SEMA4C: variants seen among roughly 807,000 people sequenced by gnomAD.
SEMA4C encodes the protein semaphorin-4C.
A neutral mutation model predicts 89.0 loss-of-function variants in SEMA4C; 19 were observed. That is an observed-to-expected ratio of 0.21 (90% CI 0.15 to 0.31). The LOEUF (loss-of-function observed/expected upper bound fraction) is 0.31, where lower values mean the gene tolerates loss of function less well. SEMA4C is among the 10% of genes least tolerant of loss of function. The probability of loss-of-function intolerance (pLI) is 1.00; values close to 1 mark genes in which losing one functional copy is unlikely to be tolerated. For synonymous variants in SEMA4C, 428 were observed against 472.7 expected, an observed-to-expected ratio of 0.91 and a Z score of 1.23; for missense variants, 811 against 1,107.0, an observed-to-expected ratio of 0.73 and a Z score of 3.79.
chr2:96,865,087 T>C lies in SEMA4C; in HGVS notation c.663A>G (p.Val221=). The C allele has an allele frequency of 6.4e-7, 1 of 1,564,856 alleles. No individual in the cohort carries two copies. The highest frequency in any genetic ancestry group is 1.2e-5 in the South Asian group (1 of 85,676). The part of the protein sequence containing the change: ...NEPHFVGSAY[V]PESVGSFTGD... ...CCGTGAAGCTGCCCACACTCTCAGG[T>C]ACATAGGCAGAGCCTACAAAGTGAG... Residue 221 remains valine (V), a synonymous_variant, in exon 8 of 15, where the codon GTA becomes GTG. Transcript: ENST00000305476.
At chr2:96,866,041 T>C in intron 3 of SEMA4C, 112 bp from the exon 4 acceptor site, 1 of 1,199,030 alleles carries the variant, frequency 8.3e-7, no homozygotes, top group Admixed American at 1.9e-5. Context: ...GCATGGTCCC[T>C]ATTCTCTGGG....
chr2:96,862,015 C>T, intron 12 of SEMA4C, 121 bp from the exon 13 acceptor site: 1 of 1,083,904 alleles, frequency 9.2e-7, no homozygotes, highest in Non-Finnish European at 1.3e-6. Context: ...GCACGGGGCG[C>T]CAGAAGGAGG....
intron 12 of SEMA4C, chr2:96,863,459 A>T: frequency 7.5e-7 from 1 of 1,331,202 alleles, no homozygotes; most frequent in Non-Finnish European, 9.7e-7. Context: ...CAGCCCCGTG[A>T]CCTGGCTATA....
At chr2:96,862,077 G>A (rs571794528) in intron 12 of SEMA4C, 183 bp from the exon 13 acceptor site, 34 of 651,546 alleles carry the variant, frequency 5.2e-5, no homozygotes, top group South Asian at 3.8e-4. Flanking sequence ...TCTAAGAACC[G>A]CAGAACTCAG....
intron 1 of SEMA4C, chr2:96,869,234 C>T (rs2080152541): frequency 1.0e-6 from 1 of 985,216 alleles, no homozygotes; most frequent in African/African-American, 1.7e-5. Flanking sequence ...ATCCGCCCGG[C>T]AGCGGTGCTC....
At chr2:96,867,710 A>G in intron 2 of SEMA4C, 68 bp downstream of exon 2, 1 of 1,457,626 alleles carries the variant, frequency 6.9e-7, no homozygotes, top group Non-Finnish European at 9.6e-7. Flanking sequence ...GAATAAAGCC[A>G]GCACACTATG....
In SEMA4C at chr2:96,867,967, G is replaced by A. The variant is rs188517743; in HGVS notation, c.-37-44C>T. Reference sequence around the variant, plus strand: ...TGGTCAGAAATCACAGCCAGAGAAAGCAAACCAGAGGGGCCCGCAGCAGGA... The same window carrying A: ...TGGTCAGAAATCACAGCCAGAGAAAACAAACCAGAGGGGCCCGCAGCAGGA... On this transcript the variant is annotated intron_variant, in intron 1 of 14. Transcript: ENST00000305476. 13 of 1,604,806 alleles carry A rather than the reference G, an allele frequency of 8.1e-6. No individual in the cohort carries two copies. The Admixed American group carries it at 2.0e-4, about 25-fold the overall frequency.
Position 96,861,197 on chromosome 2 carries a change from G to A in SEMA4C, c.1931C>T (p.Ala644Val), listed in dbSNP as rs1482872019. 6 of 1,610,370 alleles carry A rather than the reference G, an allele frequency of 3.7e-6. No homozygotes were observed. The highest frequency in any genetic ancestry group is 1.7e-5 in the Admixed American group (1 of 59,990). The change falls in exon 15 of 15, where the codon GCT becomes GTT. Residue 644 changes from alanine (A) to valine (V), a missense_variant. Physicochemically the swap from Ala to Val is moderately conservative, Grantham distance 64. This residue lies in a region of SEMA4C where 248 missense variants were observed against 269.0 expected (regional missense o/e 0.92). Coordinates refer to ENST00000305476, the MANE Select transcript of SEMA4C (RefSeq NM_017789.5). The surrounding 1 kb of genome is among the most constrained non-coding windows in gnomAD (Gnocchi z 7.8). ...GGTCACCGACGGGCCTGCCACGACA[G>A]CCACAAGGTAGCCTTCAGCAGCCAG... ...ARLAAEGYLV[A>V]VVAGPSVTLE...
intron 1 of SEMA4C, chr2:96,868,591 G>T: frequency 1.0e-6 from 1 of 985,662 alleles, no homozygotes; most frequent in Non-Finnish European, 1.2e-6. Flanking sequence ...CAAGAGGGAG[G>T]CAGGAAGTGG....
intron 3 of SEMA4C, 119 bp downstream of exon 3, chr2:96,866,164 G>A (rs2080066246): frequency 1.3e-5 from 18 of 1,398,242 alleles, no homozygotes; most frequent in Non-Finnish European, 1.7e-5. Context: ...GGCAGGCCCC[G>A]GATGCCCAGC....
chr2:96,865,781 GTCC>G lies in SEMA4C; in HGVS notation c.322-20_322-18del. 6.2e-7 allele frequency: 1 copy of G among 1,613,926 alleles called. No homozygotes were observed. The highest frequency in any genetic ancestry group is 8.5e-7 in the Non-Finnish European group (1 of 1,179,790). Reference sequence around the variant, plus strand: ...GCACTCGGTCTGGGGGCAGAAAGGTGTCCGGTTAGTGAGAGCGCGAGGGCCAGA... The same window carrying G: ...GCACTCGGTCTGGGGGCAGAAAGGTGGGTTAGTGAGAGCGCGAGGGCCAGA... On this transcript the variant is annotated intron_variant, in intron 4 of 14. Coordinates refer to ENST00000305476, the MANE Select transcript of SEMA4C (RefSeq NM_017789.5).
intron 2 of SEMA4C, among the ~76,000 whole-genome samples, chr2:96,867,365 G>A (rs1233083299): frequency 2.6e-5 from 4 of 152,210 alleles, no homozygotes; most frequent in South Asian, 2.1e-4. Context: ...ATGCGAGCAT[G>A]TGCACATACA....
chr2:96,864,247 C>A lies in SEMA4C; in HGVS notation c.1098G>T (p.Arg366=). The change falls in exon 10 of 15, where the codon CGG becomes CGT. Residue 366 remains arginine (R), a synonymous_variant. Coordinates refer to ENST00000305476, the MANE Select transcript of SEMA4C (RefSeq NM_017789.5). The surrounding 1 kb of genome is among the most constrained non-coding windows in gnomAD (Gnocchi z 6.3). ...DRYTDPVPSP[R]PGSCINNWHR... is the part of the protein sequence containing the mutation. ...CTGCCCTAGCACTCACCGAGCCAGG[C>A]CGAGGGCTGGGTACAGGGTCAGTGT... 1.2e-6 allele frequency: 2 copies of A among 1,613,952 alleles called. No homozygotes were observed. Among genetic ancestry groups the A allele is most frequent in the Non-Finnish European group, 1.7e-6 (2 of 1,180,002 alleles).
intron 1 of SEMA4C, chr2:96,868,524 G>A (rs937811865): frequency 2.0e-6 from 2 of 986,540 alleles, no homozygotes; most frequent in Middle Eastern, 5.2e-4. Context: ...AGCAGGGCAG[G>A]AGTGTGAGAA....
At chr2:96,869,188 C>T in intron 1 of SEMA4C, 3 of 985,392 alleles carry the variant, frequency 3.0e-6, no homozygotes, top group Non-Finnish European at 3.6e-6. Context: ...GCTCCTTACC[C>T]GAGGATCGGG....
rs1056929794 is a variant in SEMA4C at position 96,864,657 on chromosome 2, C to A, written c.962+48G>T. The A allele has an allele frequency of 1.9e-6, 3 of 1,567,184 alleles. No homozygotes were observed. Among genetic ancestry groups the A allele is most frequent in the Non-Finnish European group, 8.7e-7 (1 of 1,153,854 alleles). ...GCTCCCACCCATGCACCGTCCCTGA[C>A]CTGAACCCCAGCTCCTCCCCACTCT... On this transcript the variant is annotated intron_variant, in intron 9 of 14. Transcript: ENST00000305476. The surrounding 1 kb of genome is among the most constrained non-coding windows in gnomAD (Gnocchi z 6.3).
rs755016156 is a variant in SEMA4C, at chr2:96,863,688, C to T, written c.1437G>A (p.Gln479=). 1.9e-6 allele frequency: 3 copies of T among 1,613,776 alleles called. No homozygotes were observed. In the South Asian group the frequency reaches 3.3e-5, roughly 18 times the overall value. The change falls in exon 12 of 15, where the codon CAG becomes CAA. Residue 479 remains glutamine, a synonymous_variant. Coordinates refer to ENST00000305476, the MANE Select transcript of SEMA4C (RefSeq NM_017789.5). ...QEPMRSLVLS[Q]SKKLLFAGSR... is the part of the protein sequence containing the mutation. ...ATAGGGCCCAACTTACTACCTTGCT[C>T]TGAGATAGCACCAGGCTTCTCATGG... is the stretch of plus-strand genomic sequence containing the variant.
At chr2:96,870,143 C>G, upstream of SEMA4C, 3 of 976,726 alleles carry the variant, frequency 3.1e-6, no homozygotes, top group Non-Finnish European at 3.6e-6. Flanking sequence ...CGAGCGGAGG[C>G]CGGGGGCGGG....
At chr2:96,863,839 C>G in intron 11 of SEMA4C, 45 bp from the exon 12 acceptor site, 1 of 1,604,308 alleles carries the variant, frequency 6.2e-7, no homozygotes, top group Non-Finnish European at 8.5e-7. Flanking sequence ...GGCACAAGGC[C>G]GTGGGGCAGC....
Sources: allele counts gnomAD v4.1 joint callset (sites outside exome capture counted in the v4.1 genomes callset), GRCh38; gene constraint gnomAD v4.1.1; regional missense constraint gnomAD v4.1.1; non-coding constraint Gnocchi (gnomAD v3.1); transcripts MANE v1.5; gene names NCBI Gene and HGNC (gene_info 2026-07-23, HGNC 2026-07-21).